The following PSEN1 variants were observed in gnomAD, a reference collection of about 807,000 sequenced individuals.
PSEN1 encodes presenilin-1.
Under a neutral mutation model 53.5 loss-of-function variants are expected in PSEN1, and 15 were observed. That is an observed-to-expected ratio of 0.28 (90% confidence interval 0.19 to 0.43). The LOEUF is 0.43. Among genes scored for constraint, PSEN1 ranks in the 20% least tolerant of loss-of-function variants. The pLI, the probability that PSEN1 is intolerant of heterozygous loss-of-function variation, is 1.00. For missense variants in PSEN1, 387 were observed against 571.2 expected, an observed-to-expected ratio of 0.68 and a Z score of 3.29; for synonymous variants, 208 against 209.8, an observed-to-expected ratio of 0.99 and a Z score of 0.08.
intron 1 of PSEN1, among the ~76,000 whole-genome samples, chr14:73,138,559 C>T (rs1896816605): frequency 2.6e-5 from 4 of 151,186 alleles, no homozygotes; most frequent in African/African-American, 7.3e-5. Flanking sequence ...CACTATGTTG[C>T]CCAGGCTGGT....
At chr14:73,171,794 A>G (rs1281619934) in intron 4 of PSEN1, among the ~76,000 whole-genome samples, 2 of 152,230 alleles carry the variant, frequency 1.3e-5, no homozygotes, top group African/African-American at 4.8e-5. Context: ...TAAAAGTAGA[A>G]GGCAAAGAAT....
chr14:73,199,101 T>C lies in PSEN1; in HGVS notation c.868+972T>C, dbSNP rs147183738. Among the ~76,000 whole-genome samples the C allele has an allele frequency of 2.4e-3, 369 of 152,322 alleles. 2 individuals carry two copies. The highest frequency in any genetic ancestry group is 8.4e-3 in the African/African-American group (349 of 41,574). ...TGTTTTCTTGTGTGAAGGATCTGTT[T>C]AGTTTTATATCTTTCTGTGGCTCAT... On this transcript the variant is annotated intron_variant, in intron 8 of 11. Transcript: ENST00000324501.
At chr14:73,201,248 C>T (rs28613010) in intron 8 of PSEN1, among the ~76,000 whole-genome samples, 2,418 of 152,090 alleles carry the variant, frequency 0.016, 58 homozygotes, top group African/African-American at 0.051. Context: ...CCGCCACGCC[C>T]GGCTAATTTT....
At chr14:73,160,557 C>T (rs1403029467) in intron 3 of PSEN1, among the ~76,000 whole-genome samples, 6 of 152,096 alleles carry the variant, frequency 3.9e-5, no homozygotes, top group African/African-American at 9.7e-5. Flanking sequence ...ACTTTACCAC[C>T]GCTTGTTACT....
chr14:73,186,997 A>G (rs1216766183), intron 6 of PSEN1, 77 bp downstream of exon 6: 4 of 1,177,880 alleles, frequency 3.4e-6, no homozygotes, highest in Non-Finnish European at 5.1e-6. Context: ...AAAGCCATGT[A>G]CTTTGTTGAT....
rs146190421 is a variant in PSEN1 at position 73,179,789 on chromosome 14, T to C, written c.480+6082T>C. ...AAAAAAGTGGTCAGCTCACTGCTAG[T>C]ACTTCTAATTCCCCAGCCCACCTAC... On this transcript the variant is annotated intron_variant, in intron 5 of 11. Transcript: ENST00000324501. Among the ~76,000 whole-genome samples the C allele has an allele frequency of 9.9e-3, 1,499 of 152,154 alleles. 13 individuals are homozygous for C. The highest frequency in any genetic ancestry group is 0.017 in the Middle Eastern group (5 of 294).
chr14:73,194,566 CTT>C (rs34315326), intron 7 of PSEN1, among the ~76,000 whole-genome samples: 58 of 128,752 alleles, frequency 4.5e-4, no homozygotes, highest in South Asian at 7.8e-4. Flanking sequence ...TGGCCATACA[CTT>C]TTTTTTTTTT....
chr14:73,167,227 A>G lies in PSEN1; in HGVS notation c.88-3570A>G, dbSNP rs557528526. Among the ~76,000 whole-genome samples the G allele has an allele frequency of 5.0e-4, 76 of 152,292 alleles. 1 individual carries two copies. The South Asian group carries it at 0.011, about 23-fold the overall frequency. On this transcript the variant is annotated intron_variant, in intron 3 of 11. Transcript: ENST00000324501. ...CTTTTGTAACAAAGTCACTCCCATG[A>G]TAACTAACCTACTCCTGTGATAACG... is the stretch of plus-strand genomic sequence containing the variant.
chr14:73,218,745 G>C (rs931754798), intron 11 of PSEN1, among the ~76,000 whole-genome samples: 2 of 143,186 alleles, frequency 1.4e-5, no homozygotes, highest in African/African-American at 2.6e-5. Context: ...GCATAGAGAA[G>C]CCCCCGCACA....
chr14:73,185,598 AGGGAGACCGTGGGGAGAGAGAGG>A (rs1898478696), intron 5 of PSEN1, among the ~76,000 whole-genome samples: 1 of 152,006 alleles, frequency 6.6e-6, no homozygotes, highest in African/African-American at 2.4e-5. Context: ...AGAGAGGGAG[AGGGAGACCGTGGGGAGAGAGAGG>A]GAGAGGGAGA....
intron 1 of PSEN1, among the ~76,000 whole-genome samples, chr14:73,139,068 G>C (rs1896838607): frequency 6.6e-6 from 1 of 151,980 alleles, no homozygotes; most frequent in African/African-American, 2.4e-5. Context: ...TGGATAACCA[G>C]ATCAGGAGAT....
chr14:73,202,404 A>G (rs1899226746), intron 8 of PSEN1, among the ~76,000 whole-genome samples: 2 of 120,314 alleles, frequency 1.7e-5, no homozygotes, highest in East Asian at 2.4e-4. Context: ...CTGTTTTAAA[A>G]TATCTATCAC....
chr14:73,199,498 A>G (rs562644299), intron 8 of PSEN1, among the ~76,000 whole-genome samples: 1 of 152,346 alleles, frequency 6.6e-6, no homozygotes, highest in East Asian at 1.9e-4. Flanking sequence ...GTAGATATTC[A>G]GTGGTGGGTA....
intron 7 of PSEN1, among the ~76,000 whole-genome samples, chr14:73,194,633 A>G (rs568469551): frequency 7.4e-6 from 1 of 135,768 alleles, no homozygotes; most frequent in Non-Finnish European, 1.5e-5. Context: ...CAGTGGCGTG[A>G]TCTTGGCTCA....
At position 73,183,938 on chromosome 14, in the gene PSEN1, A is replaced by G. The variant is rs1566636151; in HGVS notation, c.481-2915A>G. Among the ~76,000 whole-genome samples the G allele has an allele frequency of 4.1e-5, 5 of 122,100 alleles. No homozygotes were observed. The South Asian group carries it at 8.8e-4, about 21-fold the overall frequency. 80.1% of individuals were successfully genotyped at this position (122,100 alleles called of 152,430 possible). On this transcript the variant is annotated intron_variant, in intron 5 of 11. Transcript: ENST00000324501. The stretch of plus-strand genomic sequence containing the variant: ...GGCCGGGCGGGGGGCTGACCCCCCC[A>G]CCTCCCTCCCGGACGGGGCGGCTGG...
At chr14:73,137,721 A>C (rs1382773164) in intron 1 of PSEN1, among the ~76,000 whole-genome samples, 1 of 152,192 alleles carries the variant, frequency 6.6e-6, no homozygotes, top group Non-Finnish European at 1.5e-5. Flanking sequence ...AAAGGTTGGC[A>C]GGGATTTTGA....
At chr14:73,145,479 C>T (rs1230080901) in intron 1 of PSEN1, among the ~76,000 whole-genome samples, 2 of 151,862 alleles carry the variant, frequency 1.3e-5, no homozygotes, top group East Asian at 2.0e-4. Context: ...GAACCACAGG[C>T]ACCCACCACC....
At chr14:73,202,462 ATTTTTTT>A (rs1166113102) in intron 8 of PSEN1, among the ~76,000 whole-genome samples, 1 of 11,530 alleles carries the variant, frequency 8.7e-5, no homozygotes, top group African/African-American at 4.3e-4. Context: ...ATATATATAT[ATTTTTTT>A]TTTTTTTTTT....
chr14:73,218,569 T>C (rs560998577), intron 11 of PSEN1, among the ~76,000 whole-genome samples: 81 of 152,300 alleles, frequency 5.3e-4, no homozygotes, highest in Non-Finnish European at 2.9e-4. Flanking sequence ...AATAAACTTT[T>C]AGTTTATTTT....
Sources: gnomAD v4.1 joint callset for allele counts (sites outside exome capture counted in the v4.1 genomes callset) on GRCh38, gnomAD v4.1.1 for gene constraint, MANE v1.5 for transcripts, NCBI Gene and HGNC (gene_info 2026-07-23, HGNC 2026-07-21) for gene names.